GALNTL6: variants seen among roughly 807,000 people sequenced by gnomAD.
GALNTL6 encodes the protein polypeptide N-acetylgalactosaminyltransferase like 6, also known as polypeptide N-acetylgalactosaminyltransferase-like 6.
GALNTL6 carries 46 observed loss-of-function variants against 73.7 expected under a neutral mutation model. That is an observed-to-expected ratio of 0.62 (90% CI 0.49 to 0.80). The LOEUF is 0.80. Among genes scored for constraint, GALNTL6 ranks in the 30% least tolerant of loss-of-function variants. The pLI, the probability that GALNTL6 is intolerant of heterozygous loss-of-function variation, is 0.00. For synonymous variants in GALNTL6, 259 were observed against 263.7 expected (o/e 0.98, Z 0.17); for missense variants, 604 against 755.0 (o/e 0.80, Z 2.34).
intron 5 of GALNTL6, among the ~76,000 whole-genome samples, chr4:172,717,826 A>T (rs892854210): frequency 2.0e-5 from 3 of 152,192 alleles, no homozygotes; most frequent in African/African-American, 7.2e-5. Context: ...AAAACAGAAA[A>T]ACCCTACGAG....
intron 5 of GALNTL6, among the ~76,000 whole-genome samples, chr4:172,523,061 C>G (rs987208254): frequency 6.6e-6 from 1 of 152,172 alleles, no homozygotes; most frequent in Non-Finnish European, 1.5e-5. Context: ...AAGCACACAT[C>G]TCTAAACATT....
intron 5 of GALNTL6, among the ~76,000 whole-genome samples, chr4:172,420,782 A>C (rs1361470629): frequency 6.6e-6 from 1 of 152,176 alleles, no homozygotes; most frequent in Non-Finnish European, 1.5e-5. Context: ...CATCAATGAT[A>C]GACTAGATAA....
At chr4:171,849,576 T>C (rs1028801465) in intron 2 of GALNTL6, among the ~76,000 whole-genome samples, 1 of 152,230 alleles carries the variant, frequency 6.6e-6, no homozygotes, top group Non-Finnish European at 1.5e-5. Flanking sequence ...AAGAAAATTA[T>C]AAATATGATA....
chr4:171,975,825 A>AAT (rs1280655282), intron 2 of GALNTL6, among the ~76,000 whole-genome samples: 1 of 152,184 alleles, frequency 6.6e-6, no homozygotes, highest in Non-Finnish European at 1.5e-5. Flanking sequence ...TTTTTTGAAA[A>AAT]ATAGTTCAAA....
At chr4:172,545,604 C>T (rs1735717960) in intron 5 of GALNTL6, 1 of 152,252 alleles carries the variant, frequency 6.6e-6, no homozygotes, top group Non-Finnish European at 1.5e-5. Context: ...AAAACACTGC[C>T]TTTTCACTGT....
chr4:172,068,228 C>T lies in GALNTL6; in HGVS notation c.139-161428C>T, dbSNP rs1198082861. Among the ~76,000 whole-genome samples the T allele has an allele frequency of 1.8e-5, 2 of 108,654 alleles. 1 individual carries two copies. The highest frequency in any genetic ancestry group is 4.1e-5 in the Non-Finnish European group (2 of 49,040). 71.3% of individuals were successfully genotyped at this position (108,654 alleles called of 152,430 possible). ...CTGAAAGTGTCTACTTTTTTCCCTC[C>T]TCACTATCCGCACCCTAGCTCAAGC... is the stretch of plus-strand genomic sequence containing the variant. On this transcript the variant is annotated intron_variant, in intron 2 of 12. Coordinates refer to ENST00000506823, the MANE Select transcript of GALNTL6 (RefSeq NM_001034845.3).
intron 7 of GALNTL6, among the ~76,000 whole-genome samples, chr4:172,824,313 C>CAG (rs1156470581): frequency 2.0e-5 from 3 of 151,568 alleles, no homozygotes; most frequent in Non-Finnish European, 4.4e-5. Flanking sequence ...AGAGAAAGAA[C>CAG]AGAGTTGGCC....
At chr4:172,291,521 A>T (rs1353074414) in intron 3 of GALNTL6, among the ~76,000 whole-genome samples, 1 of 152,138 alleles carries the variant, frequency 6.6e-6, no homozygotes, top group African/African-American at 2.4e-5. Context: ...CCAGATTATT[A>T]TATACTAGTT....
chr4:172,776,865 A>G (rs1739103574), intron 5 of GALNTL6, among the ~76,000 whole-genome samples: 1 of 152,112 alleles, frequency 6.6e-6, no homozygotes, highest in South Asian at 2.1e-4. Context: ...TGTCCTGCCT[A>G]TCTTCTTTGA....
intron 2 of GALNTL6, among the ~76,000 whole-genome samples, chr4:171,917,687 G>A (rs1737669529): frequency 6.6e-6 from 1 of 151,946 alleles, no homozygotes; most frequent in African/African-American, 2.4e-5. Context: ...GTCCCAAAAC[G>A]ATTTCTGGGG....
chr4:172,355,190 C>T (rs1220552245), intron 5 of GALNTL6, among the ~76,000 whole-genome samples: 1 of 151,940 alleles, frequency 6.6e-6, no homozygotes, highest in Admixed American at 6.6e-5. Context: ...CTTCTGTCTT[C>T]TAAAGAAAGT....
chr4:171,899,663 A>C (rs1446735570), intron 2 of GALNTL6, among the ~76,000 whole-genome samples: 1 of 152,158 alleles, frequency 6.6e-6, no homozygotes, highest in Non-Finnish European at 1.5e-5. Context: ...ACATAGAACA[A>C]AGACTAATTG....
intron 5 of GALNTL6, among the ~76,000 whole-genome samples, chr4:172,542,275 A>G (rs1037358001): frequency 9.9e-5 from 15 of 152,022 alleles, no homozygotes; most frequent in African/African-American, 3.4e-4. Context: ...TGGTCGCCCC[A>G]TTCTAATCTT....
chr4:172,988,077 G>A (rs944481363), intron 10 of GALNTL6, among the ~76,000 whole-genome samples: 1 of 152,188 alleles, frequency 6.6e-6, no homozygotes, highest in Non-Finnish European at 1.5e-5. Flanking sequence ...ATAGTGGGCA[G>A]AAGTTGGAAC....
chr4:172,609,375 G>T (rs1463798242), intron 5 of GALNTL6, among the ~76,000 whole-genome samples: 1 of 152,120 alleles, frequency 6.6e-6, no homozygotes, highest in Non-Finnish European at 1.5e-5. Flanking sequence ...TTTATCAAAA[G>T]CCTTTTCTGC....
At chr4:172,646,216 A>G (rs1740235411) in intron 5 of GALNTL6, among the ~76,000 whole-genome samples, 1 of 152,034 alleles carries the variant, frequency 6.6e-6, no homozygotes, top group African/African-American at 2.4e-5. Context: ...AAGTTTTAGA[A>G]TCAGCTCTTG....
intron 3 of GALNTL6, among the ~76,000 whole-genome samples, chr4:172,236,839 T>C (rs1232348719): frequency 1.3e-5 from 2 of 152,204 alleles, no homozygotes; most frequent in East Asian, 1.9e-4. Context: ...TAGTATTCAA[T>C]AGGTATTTTT....
At chr4:171,975,315 C>T (rs1739689658) in intron 2 of GALNTL6, among the ~76,000 whole-genome samples, 1 of 152,106 alleles carries the variant, frequency 6.6e-6, no homozygotes, top group Non-Finnish European at 1.5e-5. Context: ...TGATGCTCTA[C>T]CCTACTTATC....
intron 5 of GALNTL6, among the ~76,000 whole-genome samples, chr4:172,640,675 A>C (rs1433023741): frequency 2.0e-5 from 3 of 152,056 alleles, no homozygotes; most frequent in African/African-American, 7.2e-5. Context: ...CCTCTTCTTC[A>C]AAGAACAAAT....
Sources: allele counts gnomAD v4.1 joint callset (sites outside exome capture counted in the v4.1 genomes callset), GRCh38; gene constraint gnomAD v4.1.1; transcripts MANE v1.5; gene names NCBI Gene and HGNC (gene_info 2026-07-23, HGNC 2026-07-21).